The following SAMD12 variants were observed in gnomAD, a reference collection of about 807,000 sequenced individuals.
SAMD12 encodes the protein sterile alpha motif domain containing 12.
In SAMD12, 9 loss-of-function variants were observed where a neutral mutation model predicts 15.0. The ratio of observed to expected loss-of-function variants is 0.60; its 90% CI spans 0.36 to 1.05. The LOEUF is 1.05. Among genes scored for constraint, SAMD12 ranks in the 50% least tolerant of loss-of-function variants. SAMD12 has a pLI of 0.01. For synonymous variants in SAMD12, 86 were observed against 90.1 expected, an observed-to-expected ratio of 0.96 and a Z score of 0.25; for missense variants, 230 against 234.2, an observed-to-expected ratio of 0.98 and a Z score of 0.12.
At chr8:118,191,304 G>A (rs1819364977) in exon 5 of SAMD12, 1 of 152,094 alleles carries the variant, frequency 6.6e-6, no homozygotes, top group Non-Finnish European at 1.5e-5. Flanking sequence ...TGGAAGAAAG[G>A]TGGTGGTGGA....
intron 4 of SAMD12, among the ~76,000 whole-genome samples, chr8:118,220,714 G>A (rs894443825): frequency 1.3e-5 from 2 of 152,034 alleles, no homozygotes; most frequent in Non-Finnish European, 1.5e-5. Flanking sequence ...GAACAGCAAC[G>A]GAAACAGACT....
intron 2 of SAMD12, among the ~76,000 whole-genome samples, chr8:118,559,648 G>A (rs1447206220): frequency 6.6e-6 from 1 of 152,154 alleles, no homozygotes; most frequent in Non-Finnish European, 1.5e-5. Context: ...ACAGCACCTG[G>A]TCTCTGATAA....
chr8:118,304,696 G>A (rs1043073144), intron 4 of SAMD12, among the ~76,000 whole-genome samples: 20 of 151,422 alleles, frequency 1.3e-4, no homozygotes, highest in Non-Finnish European at 2.9e-4. Flanking sequence ...GGAGGTGGAG[G>A]TTGCAGTGAG....
At chr8:118,307,726 T>C (rs1441122428) in intron 4 of SAMD12, among the ~76,000 whole-genome samples, 5 of 152,190 alleles carry the variant, frequency 3.3e-5, no homozygotes, top group Non-Finnish European at 5.9e-5. Context: ...GCTAAATACA[T>C]TCTGTTTATT....
intron 4 of SAMD12, among the ~76,000 whole-genome samples, chr8:118,353,258 C>G (rs1818051656): frequency 6.7e-6 from 1 of 148,688 alleles, no homozygotes; most frequent in African/African-American, 2.5e-5. Flanking sequence ...CATAATCTAA[C>G]CAACATACTA....
At chr8:118,449,035 T>A (rs140071713) in intron 2 of SAMD12, among the ~76,000 whole-genome samples, 19 of 151,012 alleles carry the variant, frequency 1.3e-4, no homozygotes, top group Non-Finnish European at 2.4e-4. Flanking sequence ...GGGGAAGCAG[T>A]GGGGCAGCAG....
intron 2 of SAMD12, among the ~76,000 whole-genome samples, chr8:118,482,935 G>A (rs1824169357): frequency 6.6e-6 from 1 of 152,180 alleles, no homozygotes; most frequent in African/African-American, 2.4e-5. Context: ...TCCCAGGGAA[G>A]CCACGAGGAA....
At chr8:118,188,167 A>G (rs1434343150), downstream of SAMD12, among the ~76,000 whole-genome samples, 1 of 152,084 alleles carries the variant, frequency 6.6e-6, no homozygotes, top group African/African-American at 2.4e-5. Flanking sequence ...CCTACAAAAG[A>G]GAGAGGTAAG....
the SAMD12 span, among the ~76,000 whole-genome samples, chr8:118,163,702 C>T: frequency 2.0e-5 from 3 of 152,036 alleles, no homozygotes; most frequent in East Asian, 3.9e-4. Flanking sequence ...GGTGAAACCC[C>T]GTCTTTACTA....
chr8:118,215,913 C>T (rs990173324), intron 4 of SAMD12, among the ~76,000 whole-genome samples: 177 of 151,100 alleles, frequency 1.2e-3, no homozygotes, highest in Non-Finnish European at 1.7e-3. Flanking sequence ...TGAATAATGC[C>T]GCAATAAACA....
intron 1 of SAMD12, among the ~76,000 whole-genome samples, chr8:118,598,255 C>A (rs1586846788): frequency 6.6e-6 from 1 of 152,264 alleles, no homozygotes; most frequent in African/African-American, 2.4e-5. Flanking sequence ...GAAGGCTTAA[C>A]CCCTAATGTC....
intron 4 of SAMD12, among the ~76,000 whole-genome samples, chr8:118,327,763 C>T (rs1487528262): frequency 6.6e-6 from 1 of 151,930 alleles, no homozygotes; most frequent in African/African-American, 2.4e-5. Context: ...GGTTGAAGGC[C>T]CCAACCTTTT....
chr8:118,215,970 G>T (rs1335577174), intron 4 of SAMD12, among the ~76,000 whole-genome samples: 4 of 150,470 alleles, frequency 2.7e-5, no homozygotes, highest in African/African-American at 9.7e-5. Flanking sequence ...AGTCCTTTGG[G>T]TATATACCCA....
At chr8:118,492,422 G>A (rs147530357) in intron 2 of SAMD12, among the ~76,000 whole-genome samples, 4 of 152,096 alleles carry the variant, frequency 2.6e-5, no homozygotes, top group African/African-American at 9.7e-5. Context: ...CAAATAAAGT[G>A]TTTAACATAA....
At chr8:118,523,521 A>C (rs1825449077) in intron 2 of SAMD12, among the ~76,000 whole-genome samples, 1 of 152,156 alleles carries the variant, frequency 6.6e-6, no homozygotes, top group Non-Finnish European at 1.5e-5. Context: ...CTTACATGGA[A>C]TACTTTCCTC....
At chr8:118,330,357 T>C (rs1816756187) in intron 4 of SAMD12, among the ~76,000 whole-genome samples, 1 of 152,176 alleles carries the variant, frequency 6.6e-6, no homozygotes, top group African/African-American at 2.4e-5. Context: ...GGCGGCTGAA[T>C]GACAAAACTT....
chr8:118,318,940 C>T (rs1356533470), intron 4 of SAMD12, among the ~76,000 whole-genome samples: 1 of 151,926 alleles, frequency 6.6e-6, no homozygotes, highest in Non-Finnish European at 1.5e-5. Flanking sequence ...GACAGTTTGT[C>T]CCCAGGTTTG....
At chr8:118,255,398 C>T (rs960203265) in intron 4 of SAMD12, among the ~76,000 whole-genome samples, 2 of 151,830 alleles carry the variant, frequency 1.3e-5, no homozygotes, top group Non-Finnish European at 2.9e-5. Context: ...TACATGTGCA[C>T]AACGTGCAGG....
chr8:118,552,249 C>G (rs575512879), intron 2 of SAMD12, among the ~76,000 whole-genome samples: 40 of 152,258 alleles, frequency 2.6e-4, no homozygotes, highest in Non-Finnish European at 5.0e-4. Context: ...GACCAATATC[C>G]TTGATGAACA....
Sources: gnomAD v4.1 joint callset for allele counts (sites outside exome capture counted in the v4.1 genomes callset) on GRCh38, gnomAD v4.1.1 for gene constraint, MANE v1.5 for transcripts, NCBI Gene and HGNC (gene_info 2026-07-23, HGNC 2026-07-21) for gene names.